The following DLEU7 variants were observed in gnomAD, a reference collection of about 807,000 sequenced individuals.
DLEU7 encodes the protein deleted in lymphocytic leukemia 7.
A neutral mutation model predicts 16.0 loss-of-function variants in DLEU7; 17 were observed. The observed-to-expected ratio is 1.06, with a 90% CI of 0.73 to 1.59. The LOEUF is 1.59. Among genes scored for constraint, DLEU7 ranks in the 40% most tolerant of loss-of-function variants. The pLI is 0.00. For missense variants in DLEU7, 308 were observed against 314.9 expected, an observed-to-expected ratio of 0.98 and a Z score of 0.17; for synonymous variants, 113 against 139.8, an observed-to-expected ratio of 0.81 and a Z score of 1.35.
chr13:50,773,970 A>T (rs1203894609), intron 1 of DLEU7, among the ~76,000 whole-genome samples: 1 of 152,152 alleles, frequency 6.6e-6, no homozygotes, highest in Non-Finnish European at 1.5e-5. Flanking sequence ...AGCCTCAGCA[A>T]TGGCGGACGC....
At chr13:50,795,392 C>A (rs1876084349) in intron 1 of DLEU7, among the ~76,000 whole-genome samples, 1 of 152,154 alleles carries the variant, frequency 6.6e-6, no homozygotes, top group Admixed American at 6.6e-5. Context: ...TCTCAGGCAA[C>A]AAATGCAGTT....
chr13:50,753,324 C>T (rs583646), intron 1 of DLEU7, among the ~76,000 whole-genome samples: 6 of 152,066 alleles, frequency 3.9e-5, no homozygotes, highest in Non-Finnish European at 7.4e-5. Flanking sequence ...TCAGCCCTTG[C>T]GTGGTCAATG....
intron 1 of DLEU7, among the ~76,000 whole-genome samples, chr13:50,772,074 C>T (rs1875332311): frequency 6.6e-6 from 1 of 152,168 alleles, no homozygotes; most frequent in Non-Finnish European, 1.5e-5. Context: ...TTATCAGAGA[C>T]TAGGATTGCA....
chr13:50,719,836 T>G (rs913742357), intron 1 of DLEU7: 1 of 152,212 alleles, frequency 6.6e-6, no homozygotes, highest in African/African-American at 2.4e-5. Flanking sequence ...GAATTGAATA[T>G]AGTCACTTGA....
chr13:50,735,506 G>A (rs903384631), intron 1 of DLEU7, among the ~76,000 whole-genome samples: 5 of 151,486 alleles, frequency 3.3e-5, no homozygotes, highest in Admixed American at 6.6e-5. Flanking sequence ...CCAAATATTT[G>A]GAAATTAAAT....
At chr13:50,776,984 T>A (rs549391409) in intron 1 of DLEU7, among the ~76,000 whole-genome samples, 11 of 152,186 alleles carry the variant, frequency 7.2e-5, no homozygotes, top group Non-Finnish European at 1.2e-4. Flanking sequence ...TTGAAAATGT[T>A]GAATCTTGGG....
intron 1 of DLEU7, among the ~76,000 whole-genome samples, chr13:50,786,763 T>C (rs780768063): frequency 1.1e-4 from 16 of 152,242 alleles, no homozygotes; most frequent in Non-Finnish European, 1.5e-4. Context: ...AAAATGAATG[T>C]TATGACCCTC....
chr13:50,729,410 A>AT (rs905280141), intron 1 of DLEU7, among the ~76,000 whole-genome samples: 11 of 152,010 alleles, frequency 7.2e-5, no homozygotes, highest in Admixed American at 2.0e-4. Context: ...TATGTACCAC[A>AT]TTTTTTTTAT....
intron 1 of DLEU7, among the ~76,000 whole-genome samples, chr13:50,760,776 T>C (rs1448879738): frequency 6.6e-6 from 1 of 152,230 alleles, no homozygotes; most frequent in African/African-American, 2.4e-5. Flanking sequence ...ATATTGTTTA[T>C]AAATTTAGTA....
intron 1 of DLEU7, among the ~76,000 whole-genome samples, chr13:50,754,317 G>A (rs1180072610): frequency 6.6e-6 from 1 of 152,034 alleles, no homozygotes; most frequent in Non-Finnish European, 1.5e-5. Flanking sequence ...TCATTTCTTA[G>A]GTCTATTAGT....
intron 1 of DLEU7, among the ~76,000 whole-genome samples, chr13:50,840,454 A>AT (rs1333332444): frequency 1.3e-5 from 2 of 152,210 alleles, no homozygotes; most frequent in African/African-American, 4.8e-5. Flanking sequence ...GGAACAAATC[A>AT]TGCAGAGAAA....
At chr13:50,792,473 G>A (rs552477260) in intron 1 of DLEU7, among the ~76,000 whole-genome samples, 6 of 152,236 alleles carry the variant, frequency 3.9e-5, no homozygotes, top group South Asian at 2.1e-4. Context: ...ACCCCAGCAC[G>A]ACTCCACACA....
chr13:50,774,906 T>C lies in DLEU7; in HGVS notation c.460-61666A>G, dbSNP rs190981380. Among the ~76,000 whole-genome samples, 51 of 152,296 alleles carry C rather than the reference T, an allele frequency of 3.3e-4. 2 individuals are homozygous for C. In the East Asian group the frequency reaches 6.9e-3, roughly 21 times the overall value. On this transcript the variant is annotated intron_variant, in intron 1 of 1. Coordinates refer to the DLEU7 transcript ENST00000400393. ...GGAAATGAATTTTTTAAAGATTTTC[T>C]TTTTCAGTTCTAGGACTTGACTCCC... is the stretch of plus-strand genomic sequence containing the variant.
intron 1 of DLEU7, among the ~76,000 whole-genome samples, chr13:50,776,205 T>C (rs1875489870): frequency 6.6e-6 from 1 of 152,260 alleles, no homozygotes; most frequent in African/African-American, 2.4e-5. Context: ...GTAGATGGTA[T>C]CATTGTATGT....
intron 1 of DLEU7, among the ~76,000 whole-genome samples, chr13:50,790,783 G>C (rs1314238625): frequency 6.6e-6 from 1 of 152,188 alleles, no homozygotes; most frequent in East Asian, 1.9e-4. Context: ...GCTTCCTGTA[G>C]AGATTAGCCA....
intron 1 of DLEU7, among the ~76,000 whole-genome samples, chr13:50,765,423 T>TGAGAAGGAAGGAGAAAGAA (rs1401197970): frequency 2.7e-4 from 39 of 145,912 alleles, no homozygotes; most frequent in Admixed American, 1.5e-3. Context: ...GAAGAGAAAA[T>TGAGAAGGAAGGAGAAAGAA]GAGGAGGAAG....
chr13:50,806,046 A>G (rs1325166973), intron 1 of DLEU7, among the ~76,000 whole-genome samples: 2 of 152,246 alleles, frequency 1.3e-5, no homozygotes, highest in East Asian at 3.9e-4. Context: ...ATCACTTAGA[A>G]TTGTGCTTTT....
chr13:50,788,526 T>C (rs1470786605), intron 1 of DLEU7, among the ~76,000 whole-genome samples: 1 of 152,192 alleles, frequency 6.6e-6, no homozygotes, highest in East Asian at 1.9e-4. Flanking sequence ...CCTCCATCAA[T>C]GGCTGCCTAC....
downstream of DLEU7, chr13:50,711,723 A>G (rs1873288530): frequency 6.7e-6 from 1 of 148,564 alleles, no homozygotes; most frequent in South Asian, 2.1e-4. Flanking sequence ...GGGCTGTGCC[A>G]GGCATTTAAC....
Sources: gnomAD v4.1 joint callset for allele counts (sites outside exome capture counted in the v4.1 genomes callset) on GRCh38, gnomAD v4.1.1 for gene constraint, MANE v1.5 for transcripts, NCBI Gene and HGNC (gene_info 2026-07-23, HGNC 2026-07-21) for gene names.